Variants in LRCH2 observed in about 807,000 individuals in gnomAD.
LRCH2 encodes the protein leucine rich repeats and calponin homology domain containing 2.
In LRCH2, 38 loss-of-function variants were observed where a neutral mutation model predicts 68.9. That is an observed-to-expected ratio of 0.55 (90% confidence interval 0.43 to 0.72). LRCH2 has a LOEUF of 0.72. LRCH2 is among the 30% of genes least tolerant of loss of function. The pLI is 0.00. For missense variants in LRCH2, 528 were observed against 572.9 expected (o/e 0.92, Z 0.80); for synonymous variants, 191 against 208.1 (o/e 0.92, Z 0.71).
intron 1 of LRCH2, among the ~76,000 whole-genome samples, chrX:115,197,025 T>A (rs2072892363): frequency 9.1e-6 from 1 of 110,180 alleles, no homozygotes; most frequent in African/African-American, 3.3e-5. Flanking sequence ...AACAACACAT[T>A]AACAGAATAA....
intron 4 of LRCH2, 24 bp from the exon 5 acceptor site, chrX:115,179,587 A>C (rs369638163): frequency 2.2e-5 from 24 of 1,102,889 alleles, no homozygotes; most frequent in Non-Finnish European, 2.8e-5. Flanking sequence ...AAAAATAATT[A>C]ATTAAATTTT....
At chrX:115,179,781 C>T (rs2072677930) in intron 3 of LRCH2, 30 bp from the exon 4 acceptor site, 1 of 784,894 alleles carries the variant, frequency 1.3e-6, no homozygotes, top group Non-Finnish European at 1.7e-6. Flanking sequence ...AGAATTATAA[C>T]AAGCTAACTG....
At chrX:115,161,318 C>T (rs1218060404) in intron 11 of LRCH2, among the ~76,000 whole-genome samples, 1 of 110,958 alleles carries the variant, frequency 9.0e-6, no homozygotes, top group African/African-American at 3.3e-5. Flanking sequence ...TGTACCACTG[C>T]ACTCTAGACT....
chrX:115,190,624 C>CGCTCGCCCAACGCCCACAGCGGAGGCT (rs782064798), intron 1 of LRCH2: 31 of 1,158,133 alleles, frequency 2.7e-5, no homozygotes, highest in Admixed American at 1.8e-4. Context: ...GTACAGAGGC[C>CGCTCGCCCAACGCCCACAGCGGAGGCT]GCTCGCCCGA....
intron 1 of LRCH2, among the ~76,000 whole-genome samples, chrX:115,205,279 G>A (rs1303143508): frequency 1.8e-5 from 2 of 111,842 alleles, no homozygotes; most frequent in African/African-American, 3.3e-5. Flanking sequence ...TTTGGGTGGG[G>A]ACCCAGAGCT....
chrX:115,205,676 C>T (rs782719250), intron 1 of LRCH2, among the ~76,000 whole-genome samples: 7 of 111,879 alleles, frequency 6.3e-5, no homozygotes, highest in South Asian at 7.5e-4. Context: ...TGGTGGCTCA[C>T]GCCTGTAATC....
chrX:115,200,801 G>T (rs1410764050), intron 1 of LRCH2, among the ~76,000 whole-genome samples: 5 of 110,788 alleles, frequency 4.5e-5, no homozygotes, highest in African/African-American at 1.6e-4. Context: ...TTCTTTCCAT[G>T]AGGCCACTAT....
At chrX:115,208,074 A>G (rs1385014986) in intron 1 of LRCH2, among the ~76,000 whole-genome samples, 2 of 112,294 alleles carry the variant, frequency 1.8e-5, no homozygotes, top group Admixed American at 9.4e-5. Flanking sequence ...TTTTAGCTCA[A>G]TTAAATTTGT....
intron 1 of LRCH2, among the ~76,000 whole-genome samples, chrX:115,194,548 TATA>T (rs1226267413): frequency 1.8e-5 from 2 of 112,515 alleles, no homozygotes; most frequent in Non-Finnish European, 3.7e-5. Flanking sequence ...TGTTATTCTG[TATA>T]ATACCTAGTA....
intron 1 of LRCH2, among the ~76,000 whole-genome samples, chrX:115,197,585 C>T (rs1412003917): frequency 1.8e-5 from 2 of 110,153 alleles, no homozygotes; most frequent in East Asian, 5.8e-4. Context: ...GAACCTGTCT[C>T]TACTAAAAAT....
At chrX:115,183,047 C>T (rs1017409350) in intron 3 of LRCH2, among the ~76,000 whole-genome samples, 5 of 108,431 alleles carry the variant, frequency 4.6e-5, no homozygotes, top group African/African-American at 1.7e-4. Flanking sequence ...TTAGGACAGT[C>T]ACGCATGCAC....
At chrX:115,137,923 TG>T (rs1454340249) in intron 14 of LRCH2, among the ~76,000 whole-genome samples, 1 of 110,032 alleles carries the variant, frequency 9.1e-6, no homozygotes, top group African/African-American at 3.3e-5. Flanking sequence ...CACCCCAGCC[TG>T]GGTGACACAG....
chrX:115,120,468 G>A, intron 20 of LRCH2, among the ~76,000 whole-genome samples: 1 of 82,560 alleles, frequency 1.2e-5, no homozygotes, highest in Non-Finnish European at 2.3e-5. Flanking sequence ...AAACCACTAT[G>A]AGATACCATC....
chrX:115,118,144 C>A (rs1236486808), intron 20 of LRCH2, among the ~76,000 whole-genome samples: 3 of 109,766 alleles, frequency 2.7e-5, no homozygotes, highest in East Asian at 2.9e-4. Flanking sequence ...CTCAGGAGTT[C>A]CAGTCCAGCC....
In LRCH2 at chrX:115,234,069, C is replaced by A; in HGVS notation, c.-28G>T. The A allele has an allele frequency of 8.6e-7, 1 of 1,157,112 alleles. No individual in the cohort carries two copies. The highest frequency in any genetic ancestry group is 1.2e-6 in the Non-Finnish European group (1 of 867,544). On this transcript the variant is annotated 5_prime_UTR_variant, in exon 1 of 21. Transcript: ENST00000317135. ...TCCTGGGAGAGAGAATAGCCCCCGA[C>A]AATACTGTCAGCCTGTGCCGCGAGT...
intron 1 of LRCH2, among the ~76,000 whole-genome samples, chrX:115,203,912 T>G (rs1485741129): frequency 8.9e-6 from 1 of 112,534 alleles, no homozygotes; most frequent in Non-Finnish European, 1.9e-5. Flanking sequence ...GGGGACTCTG[T>G]GTGAGTCTCC....
intron 1 of LRCH2, among the ~76,000 whole-genome samples, chrX:115,194,411 T>G (rs184359122): frequency 1.8e-5 from 2 of 112,057 alleles, no homozygotes; most frequent in African/African-American, 6.5e-5. Flanking sequence ...GTCACTGTTT[T>G]TAGTTTAGGA....
At chrX:115,158,994 T>G in intron 11 of LRCH2, among the ~76,000 whole-genome samples, 1 of 111,760 alleles carries the variant, frequency 8.9e-6, no homozygotes, top group Admixed American at 9.5e-5. Context: ...TATCAACTTT[T>G]TTGTTTTTCA....
chrX:115,112,138 A>G lies in LRCH2; in HGVS notation c.*1078T>C, dbSNP rs1452818028. ...ATCACAAGGTTTACAGGATTCACAAATGGCCAGATTTTGAGTAAAAACCTA... is the reference window on the plus strand; with the variant it reads ...ATCACAAGGTTTACAGGATTCACAAGTGGCCAGATTTTGAGTAAAAACCTA... On this transcript the variant is annotated 3_prime_UTR_variant, in exon 21 of 21. Coordinates refer to ENST00000317135, the MANE Select transcript of LRCH2 (RefSeq NM_020871.4). 2.7e-5 allele frequency: 3 copies of G among 111,616 alleles called. No homozygotes were observed. The highest frequency in any genetic ancestry group is 5.7e-5 in the Non-Finnish European group (3 of 52,981). 9.2% of individuals were successfully genotyped at this position (111,616 alleles called of 1,213,427 possible).
Sources: allele counts gnomAD v4.1 joint callset (sites outside exome capture counted in the v4.1 genomes callset), GRCh38; gene constraint gnomAD v4.1.1; transcripts MANE v1.5; gene names NCBI Gene and HGNC (gene_info 2026-07-23, HGNC 2026-07-21).